C9: variants seen among roughly 807,000 people sequenced by gnomAD.
C9 encodes the protein complement component C9.
A neutral mutation model predicts 65.4 loss-of-function variants in C9; 63 were observed. The observed-to-expected ratio is 0.96, with a 90% CI of 0.79 to 1.19. C9 has a LOEUF of 1.19. Ranked by LOEUF, C9 falls within the 50% of genes most tolerant of loss-of-function variation. C9 has a pLI of 0.00. For missense variants in C9, 744 were observed against 670.1 expected, an observed-to-expected ratio of 1.11 and a Z score of -1.22; for synonymous variants, 229 against 227.9, an observed-to-expected ratio of 1.00 and a Z score of -0.04.
chr5:39,326,077 A>G (rs1753743582), intron 5 of C9, among the ~76,000 whole-genome samples: 1 of 152,026 alleles, frequency 6.6e-6, no homozygotes, highest in Admixed American at 6.6e-5. Flanking sequence ...TATAGGGTCC[A>G]TCTATAGAAA....
At chr5:39,288,257 T>A (rs891695610) in intron 10 of C9, among the ~76,000 whole-genome samples, 5 of 151,750 alleles carry the variant, frequency 3.3e-5, no homozygotes, top group African/African-American at 1.2e-4. Flanking sequence ...GGCAATAGAA[T>A]TTTTTTGGGG....
intron 1 of C9, among the ~76,000 whole-genome samples, chr5:39,359,102 G>GTGTATATATATATATATATA (rs1407613505): frequency 1.7e-3 from 181 of 103,638 alleles, no homozygotes; most frequent in African/African-American, 2.2e-3. Context: ...GTGTGTGTGT[G>GTGTATATATATATATATATA]TATATATATA....
intron 5 of C9, among the ~76,000 whole-genome samples, chr5:39,316,651 T>C (rs764135030): frequency 6.6e-6 from 1 of 152,246 alleles, no homozygotes; most frequent in Non-Finnish European, 1.5e-5. Flanking sequence ...TCCAGCTCCA[T>C]CCAAGTCCCT....
rs761617169 is a variant in C9, at chr5:39,311,171, T to C, written c.1077A>G (p.Ile359Met). The C allele has an allele frequency of 9.9e-6, 16 of 1,613,232 alleles. No individual in the cohort carries two copies. Among genetic ancestry groups the C allele is most frequent in the Middle Eastern group, 1.6e-4 (1 of 6,080 alleles). ...SGSLGGLYELIYVLDKASMKR... is the reference protein window; with the variant it reads ...SGSLGGLYELMYVLDKASMKR... Reference sequence around the variant, plus strand: ...TCATGGAAGCTTTATCCAAAACATATATTAGTTCATAGAGTCCTCCTAGAG... The same window carrying C: ...TCATGGAAGCTTTATCCAAAACATACATTAGTTCATAGAGTCCTCCTAGAG... Residue 359 changes from isoleucine (I) to methionine (M), a missense_variant, in exon 7 of 11, where the codon ATA becomes ATG. Coordinates refer to ENST00000263408, the MANE Select transcript of C9 (RefSeq NM_001737.5).
chr5:39,343,115 G>C (rs1321536994), intron 1 of C9, among the ~76,000 whole-genome samples: 1 of 152,152 alleles, frequency 6.6e-6, no homozygotes, highest in African/African-American at 2.4e-5. Context: ...GGAGAAGTCA[G>C]GTGATTTCTG....
chr5:39,344,737 G>A (rs1754157434), intron 1 of C9, among the ~76,000 whole-genome samples: 1 of 152,248 alleles, frequency 6.6e-6, no homozygotes, highest in African/African-American at 2.4e-5. Context: ...TACCAAAGCT[G>A]AAATGAAGGA....
At chr5:39,338,973 T>C (rs2111947493) in intron 4 of C9, among the ~76,000 whole-genome samples, 1 of 152,340 alleles carries the variant, frequency 6.6e-6, no homozygotes, top group East Asian at 1.9e-4. Flanking sequence ...TTGCATTGAA[T>C]GAGAATAAAT....
intron 9 of C9, among the ~76,000 whole-genome samples, chr5:39,297,245 C>G (rs1288016714): frequency 6.6e-6 from 1 of 151,370 alleles, no homozygotes; most frequent in Non-Finnish European, 1.5e-5. Flanking sequence ...TTATCATTAT[C>G]AAAATATCAC....
At chr5:39,348,175 C>A (rs1394993540) in intron 1 of C9, among the ~76,000 whole-genome samples, 8 of 152,138 alleles carry the variant, frequency 5.3e-5, no homozygotes, top group South Asian at 4.2e-4. Context: ...CAAATGGGAT[C>A]TAATTAAACT....
chr5:39,313,783 A>G (rs1753527533), intron 6 of C9, among the ~76,000 whole-genome samples: 2 of 152,252 alleles, frequency 1.3e-5, no homozygotes, highest in South Asian at 2.1e-4. Flanking sequence ...GTATAGCTCA[A>G]TTCCAGGTCT....
chr5:39,291,594 A>G (rs979825591), intron 9 of C9, among the ~76,000 whole-genome samples: 6 of 151,858 alleles, frequency 4.0e-5, no homozygotes, highest in Non-Finnish European at 5.9e-5. Flanking sequence ...GGTGAAAAAT[A>G]ATTTTGCAGC....
At chr5:39,298,220 A>AC (rs1561333595) in intron 9 of C9, among the ~76,000 whole-genome samples, 1 of 151,722 alleles carries the variant, frequency 6.6e-6, no homozygotes, top group African/African-American at 2.4e-5. Flanking sequence ...CAAGAAAAAA[A>AC]TATCTAAAAT....
intron 1 of C9, among the ~76,000 whole-genome samples, chr5:39,362,457 C>T (rs951085033): frequency 3.9e-5 from 6 of 152,140 alleles, no homozygotes; most frequent in African/African-American, 1.4e-4. Flanking sequence ...AGGGACCCTT[C>T]CCAGAGTATC....
intron 9 of C9, among the ~76,000 whole-genome samples, chr5:39,289,461 G>A (rs1166292176): frequency 6.6e-6 from 1 of 150,588 alleles, no homozygotes; most frequent in Non-Finnish European, 1.5e-5. Context: ...TCCTCTAAAA[G>A]TCTAAATTCA....
chr5:39,321,180 T>C (rs1258816145), intron 5 of C9, among the ~76,000 whole-genome samples: 2 of 152,054 alleles, frequency 1.3e-5, no homozygotes, highest in African/African-American at 4.8e-5. Flanking sequence ...ATCTGTAGTA[T>C]GAAAATTAAA....
chr5:39,293,514 A>G (rs1000826994), intron 9 of C9, among the ~76,000 whole-genome samples: 2 of 152,020 alleles, frequency 1.3e-5, no homozygotes, highest in Non-Finnish European at 2.9e-5. Flanking sequence ...AAGAAAATAT[A>G]ACAATTTTAA....
chr5:39,307,181 A>C (rs1753397271), intron 8 of C9, among the ~76,000 whole-genome samples: 1 of 152,154 alleles, frequency 6.6e-6, no homozygotes. Context: ...GATATGTTTT[A>C]ATATTACAAA....
At chr5:39,342,752 A>G (rs1754113309) in intron 1 of C9, among the ~76,000 whole-genome samples, 1 of 151,948 alleles carries the variant, frequency 6.6e-6, no homozygotes, top group Non-Finnish European at 1.5e-5. Flanking sequence ...GCCACTTCAC[A>G]CTTCACTTCA....
chr5:39,285,272 T>C (rs750215685), intron 10 of C9, 39 bp from the exon 11 acceptor site: 26 of 1,565,838 alleles, frequency 1.7e-5, no homozygotes, highest in South Asian at 1.0e-4. Flanking sequence ...TAATCATCAA[T>C]AGGATTTTAC....
Sources: allele counts gnomAD v4.1 joint callset (sites outside exome capture counted in the v4.1 genomes callset), GRCh38; gene constraint gnomAD v4.1.1; transcripts MANE v1.5; gene names NCBI Gene and HGNC (gene_info 2026-07-23, HGNC 2026-07-21).